The following ROBO2 variants were observed in gnomAD, a reference collection of about 807,000 sequenced individuals.
The protein encoded by ROBO2 is roundabout homolog 2.
In ROBO2, 53 loss-of-function variants were observed where a neutral mutation model predicts 160.8. The observed-to-expected ratio is 0.33, with a 90% confidence interval of 0.26 to 0.41. ROBO2 has a LOEUF of 0.41. ROBO2 is among the 10% of genes least tolerant of loss of function. The pLI is 1.00. For missense variants in ROBO2, 1,577 were observed against 1,722.4 expected (o/e 0.92, Z 1.49); for synonymous variants, 664 against 611.7 (o/e 1.09, Z -1.26).
intron 2 of ROBO2, among the ~76,000 whole-genome samples, chr3:76,523,456 G>T (rs1322667736): frequency 6.6e-6 from 1 of 151,898 alleles, no homozygotes; most frequent in Admixed American, 6.6e-5. Context: ...CTTTGTTTTA[G>T]AAATGTGCTA....
chr3:77,065,904 G>T (rs1003805110), intron 1 of ROBO2, among the ~76,000 whole-genome samples: 1 of 152,010 alleles, frequency 6.6e-6, no homozygotes, highest in Non-Finnish European at 1.5e-5. Context: ...AGTCCATATC[G>T]CAAAATCAAG....
intron 2 of ROBO2, among the ~76,000 whole-genome samples, chr3:76,533,319 C>T (rs1248507533): frequency 6.6e-6 from 1 of 152,208 alleles, no homozygotes; most frequent in African/African-American, 2.4e-5. Context: ...GACAACTTCC[C>T]TGCTCAGCAT....
At chr3:76,427,605 C>T (rs2076272691) in intron 2 of ROBO2, among the ~76,000 whole-genome samples, 1 of 152,096 alleles carries the variant, frequency 6.6e-6, no homozygotes, top group Admixed American at 6.6e-5. Flanking sequence ...CTATACATTA[C>T]CAATTCACTA....
At chr3:76,363,630 T>G (rs964417794) in intron 2 of ROBO2, among the ~76,000 whole-genome samples, 4 of 152,050 alleles carry the variant, frequency 2.6e-5, no homozygotes, top group Admixed American at 2.6e-4. Flanking sequence ...TTGGTGCATA[T>G]GCTTGTAAAA....
chr3:77,580,201 G>C, intron 16 of ROBO2, 83 bp downstream of exon 17: 1 of 1,224,986 alleles, frequency 8.2e-7, no homozygotes, highest in Non-Finnish European at 1.2e-6. Context: ...CCTACTAATA[G>C]TGAATATACA....
chr3:76,273,570 T>A (rs1399043934), intron 2 of ROBO2, among the ~76,000 whole-genome samples: 1 of 152,104 alleles, frequency 6.6e-6, no homozygotes, highest in East Asian at 1.9e-4. Flanking sequence ...ATTCTTCACA[T>A]GATGGCAGGC....
chr3:77,197,980 C>T (rs2082461725), intron 2 of ROBO2, among the ~76,000 whole-genome samples: 2 of 152,036 alleles, frequency 1.3e-5, no homozygotes, highest in Admixed American at 1.3e-4. Context: ...TACTCCAGGC[C>T]CTAGCTAGAA....
intron 2 of ROBO2, among the ~76,000 whole-genome samples, chr3:76,847,705 A>T (rs2068905674): frequency 1.3e-5 from 2 of 151,976 alleles, no homozygotes; most frequent in Non-Finnish European, 2.9e-5. Flanking sequence ...TTCTCAGTAT[A>T]TTTTTCTTGC....
chr3:77,406,859 T>G (rs2153517187), intron 2 of ROBO2, among the ~76,000 whole-genome samples: 1 of 152,328 alleles, frequency 6.6e-6, no homozygotes, highest in African/African-American at 2.4e-5. Flanking sequence ...GAAGAAAATG[T>G]ACAGTACATG....
At chr3:77,461,641 T>A (rs1376748400) in intron 2 of ROBO2, among the ~76,000 whole-genome samples, 6 of 151,466 alleles carry the variant, frequency 4.0e-5, no homozygotes, top group South Asian at 2.1e-4. Flanking sequence ...ATTAGATTTT[T>A]AAAAAAAATT....
At chr3:76,722,426 T>C (rs2107732421) in intron 2 of ROBO2, among the ~76,000 whole-genome samples, 1 of 152,234 alleles carries the variant, frequency 6.6e-6, no homozygotes, top group South Asian at 2.1e-4. Context: ...GGCCAAAACT[T>C]TGTATTTTTT....
chr3:76,811,192 C>T (rs1017181900), intron 2 of ROBO2, among the ~76,000 whole-genome samples: 3 of 152,030 alleles, frequency 2.0e-5, no homozygotes, highest in Admixed American at 1.3e-4. Flanking sequence ...AGAAGTCCAG[C>T]ATTTGTGGTT....
chr3:77,411,341 C>T lies in ROBO2; in HGVS notation c.389-66073C>T, dbSNP rs919027185. On this transcript the variant is annotated intron_variant, in intron 2 of 25. Coordinates refer to ENST00000461745, the Ensembl canonical transcript of ROBO2. The stretch of plus-strand genomic sequence containing the variant: ...GCAATATTTATTAAAATTAAAAATG[C>T]TTGAAGCCTTCAACCCAGCAATTCC... Among the ~76,000 whole-genome samples, 15 of 152,288 alleles carry T rather than the reference C, an allele frequency of 9.8e-5. No homozygotes were observed. In the East Asian group the frequency reaches 1.9e-3, roughly 20 times the overall value.
chr3:77,569,862 ATATTT>A (rs1195818030), intron 13 of ROBO2, among the ~76,000 whole-genome samples: 2 of 151,988 alleles, frequency 1.3e-5, no homozygotes, highest in Non-Finnish European at 2.9e-5. Flanking sequence ...TAAGTTTATA[ATATTT>A]TAAGAGTAAT....
At chr3:76,700,274 G>C (rs2093020207) in intron 2 of ROBO2, among the ~76,000 whole-genome samples, 1 of 151,850 alleles carries the variant, frequency 6.6e-6, no homozygotes. Flanking sequence ...TGTGACTCTA[G>C]TCATCATTTT....
At chr3:77,621,502 G>A (rs1446409154) in intron 22 of ROBO2, among the ~76,000 whole-genome samples, 1 of 152,088 alleles carries the variant, frequency 6.6e-6, no homozygotes, top group Admixed American at 6.6e-5. Context: ...ATAAGGTTGA[G>A]ATTAGAATTA....
At chr3:77,544,597 T>G (rs1292460409) in intron 6 of ROBO2, among the ~76,000 whole-genome samples, 1 of 152,096 alleles carries the variant, frequency 6.6e-6, no homozygotes, top group Non-Finnish European at 1.5e-5. Context: ...CTTGTAAGGA[T>G]GAAGAATTGG....
chr3:77,489,179 T>C (rs1250762426), intron 4 of ROBO2, among the ~76,000 whole-genome samples: 1 of 152,208 alleles, frequency 6.6e-6, no homozygotes, highest in Non-Finnish European at 1.5e-5. Context: ...AATACCCAGG[T>C]ATAAAACCCA....
intron 2 of ROBO2, among the ~76,000 whole-genome samples, chr3:77,171,500 C>T (rs2079628595): frequency 6.6e-6 from 1 of 151,936 alleles, no homozygotes; most frequent in African/African-American, 2.4e-5. Context: ...TTGGGAAATT[C>T]AAATGGACTG....
Sources: gnomAD v4.1 joint callset for allele counts (sites outside exome capture counted in the v4.1 genomes callset) on GRCh38, gnomAD v4.1.1 for gene constraint, MANE v1.5 for transcripts, NCBI Gene and HGNC (gene_info 2026-07-23, HGNC 2026-07-21) for gene names.